Variants in N4BP2 observed in about 807,000 individuals in gnomAD.
N4BP2 encodes the protein NEDD4 binding protein 2.
Under a neutral mutation model 152.8 loss-of-function variants are expected in N4BP2, and 91 were observed. The ratio of observed to expected loss-of-function variants is 0.60; its 90% CI spans 0.50 to 0.71. The LOEUF (loss-of-function observed/expected upper bound fraction) is 0.71, where lower values mean the gene tolerates loss of function less well. Among genes scored for constraint, N4BP2 ranks in the 30% least tolerant of loss-of-function variants. The probability of loss-of-function intolerance (pLI) is 0.00; values close to 1 mark genes in which losing one functional copy is unlikely to be tolerated. For synonymous variants in N4BP2, 646 were observed against 705.3 expected (o/e 0.92, Z 1.33); for missense variants, 1,923 against 2,059.1 (o/e 0.93, Z 1.28).
chr4:40,186,662 T>C, the N4BP2 span, among the ~76,000 whole-genome samples: 1 of 152,262 alleles, frequency 6.6e-6, no homozygotes, highest in African/African-American at 2.4e-5. Flanking sequence ...CCTGCTTTTT[T>C]CACTTAACAG....
rs1289563920 is a variant in N4BP2 at position 40,155,680 on chromosome 4, CA to C, written c.*1446del. ...ATATTTTCAACATACATAATTTTAACAAATAGTTTTGTTGCTTTTTGTTAAG... is the reference window on the plus strand; with the variant it reads ...ATATTTTCAACATACATAATTTTAACAATAGTTTTGTTGCTTTTTGTTAAG... On this transcript the variant is annotated 3_prime_UTR_variant, in exon 18 of 18. Transcript: ENST00000261435. 2.0e-5 allele frequency: 3 copies of C among 151,940 alleles called. No individual in the cohort carries two copies. Among genetic ancestry groups the C allele is most frequent in the African/African-American group, 7.3e-5 (3 of 41,376 alleles). 9.4% of individuals were successfully genotyped at this position (151,940 alleles called of 1,614,324 possible). A position where few individuals can be genotyped will look rare whatever the true frequency, so the allele number is the denominator to read the frequency against.
chr4:40,095,558 G>A (rs1715034011), intron 2 of N4BP2, among the ~76,000 whole-genome samples: 1 of 152,060 alleles, frequency 6.6e-6, no homozygotes, highest in Non-Finnish European at 1.5e-5. Context: ...CTGCCATATT[G>A]ACAATGCAGT....
At position 40,157,063 on chromosome 4, in the gene N4BP2, G is replaced by A. The variant is rs1176621000; in HGVS notation, c.*2826G>A. 1.3e-5 allele frequency: 2 copies of A among 152,182 alleles called. No homozygotes were observed. Among genetic ancestry groups the A allele is most frequent in the East Asian group, 3.9e-4 (2 of 5,184 alleles). 9.4% of individuals were successfully genotyped at this position (152,182 alleles called of 1,614,324 possible). A position where few individuals can be genotyped will look rare whatever the true frequency, so the allele number is the denominator to read the frequency against. On this transcript the variant is annotated 3_prime_UTR_variant, in exon 18 of 18. Coordinates refer to ENST00000261435, the MANE Select transcript of N4BP2 (RefSeq NM_018177.6). ...CAGTAATAATTATATTCATTCAGTA[G>A]TCTCTTACCATTATCTCCCAGATGG...
chr4:40,080,581 C>T (rs1418747543), intron 2 of N4BP2, among the ~76,000 whole-genome samples: 7 of 151,864 alleles, frequency 4.6e-5, no homozygotes, highest in East Asian at 3.9e-4. Context: ...GTGACCTGCC[C>T]GCCTCGGCCT....
chr4:40,123,061 G>T (rs989207397), intron 9 of N4BP2, 66 bp from the exon 10 acceptor site: 1 of 1,001,372 alleles, frequency 1.0e-6, no homozygotes, highest in South Asian at 1.4e-5. Flanking sequence ...AGGTGGTTTA[G>T]TATGTTTTCT....
At chr4:40,093,415 AT>A (rs201362758) in intron 2 of N4BP2, among the ~76,000 whole-genome samples, 1 of 149,480 alleles carries the variant, frequency 6.7e-6, no homozygotes, top group South Asian at 2.1e-4. Context: ...ATGTTCTACA[AT>A]TTTTTTTTGA....
At chr4:40,073,938 G>A (rs762014206) in intron 2 of N4BP2, among the ~76,000 whole-genome samples, 38 of 152,046 alleles carry the variant, frequency 2.5e-4, no homozygotes, top group Middle Eastern at 3.4e-3. Flanking sequence ...GATTACAGGC[G>A]CATGCCACCA....
chr4:40,153,051 T>C, intron 17 of N4BP2, 148 bp downstream of exon 17: 1 of 581,880 alleles, frequency 1.7e-6, no homozygotes, highest in Non-Finnish European at 2.8e-6. Context: ...CTCAGAACAA[T>C]CTGTTAAAAT....
intron 2 of N4BP2, among the ~76,000 whole-genome samples, chr4:40,086,797 G>C (rs1192652932): frequency 1.3e-5 from 2 of 151,922 alleles, no homozygotes; most frequent in African/African-American, 4.8e-5. Flanking sequence ...GCTCATGCTG[G>C]AATGTAGTGG....
At chr4:40,165,657 A>G in the N4BP2 span, among the ~76,000 whole-genome samples, 1 of 152,198 alleles carries the variant, frequency 6.6e-6, no homozygotes, top group Non-Finnish European at 1.5e-5. Flanking sequence ...ATACATCTCT[A>G]TGTACGTGTG....
the N4BP2 span, among the ~76,000 whole-genome samples, chr4:40,163,302 GA>G: frequency 6.6e-6 from 1 of 152,192 alleles, no homozygotes; most frequent in Non-Finnish European, 1.5e-5. Flanking sequence ...CCACATGGCC[GA>G]CATTGTTGTC....
chr4:40,078,767 G>A (rs1049932997), intron 2 of N4BP2, among the ~76,000 whole-genome samples: 1 of 151,366 alleles, frequency 6.6e-6, no homozygotes, highest in African/African-American at 2.4e-5. Context: ...GGGTCAAGCA[G>A]TTCGCCCACT....
In N4BP2 at chr4:40,102,615, C is replaced by T. The variant is rs1194629269; in HGVS notation, c.770C>T (p.Ala257Val). The T allele has an allele frequency of 6.2e-7, 1 of 1,614,154 alleles. No individual in the cohort carries two copies. The highest frequency in any genetic ancestry group is 1.1e-5 in the South Asian group (1 of 91,074). The change falls in exon 4 of 18, where the codon GCA (alanine) becomes GTA (valine). Residue 257 changes from alanine to valine, a missense_variant. Coordinates refer to ENST00000261435, the MANE Select transcript of N4BP2 (RefSeq NM_018177.6). ...TTAAATGTAGCAAGTGACTCCATCG[C>T]AGGTTGTAGCAGTCTCAATCAAAAA... ...SSLNVASDSIAGCSSLNQKQK... is the reference protein window; with the variant it reads ...SSLNVASDSIVGCSSLNQKQK...
At chr4:40,064,686 G>A (rs1027458867) in intron 1 of N4BP2, among the ~76,000 whole-genome samples, 2 of 152,172 alleles carry the variant, frequency 1.3e-5, no homozygotes, top group Non-Finnish European at 2.9e-5. Context: ...GATGTCTAGG[G>A]TGCATTGGGA....
chr4:40,142,931 C>T (rs934853504), intron 15 of N4BP2, 70 bp downstream of exon 15: 11 of 1,290,830 alleles, frequency 8.5e-6, no homozygotes, highest in East Asian at 7.2e-5. Flanking sequence ...GCAGATAAGA[C>T]ACCCATATTG....
chr4:40,138,071 T>C (rs760605506), intron 14 of N4BP2, among the ~76,000 whole-genome samples: 4 of 152,128 alleles, frequency 2.6e-5, no homozygotes, highest in Non-Finnish European at 2.9e-5. Flanking sequence ...AGGAGCAGCC[T>C]CTCTAGTGTC....
At chr4:40,105,592 C>G (rs1158470484) in intron 4 of N4BP2, among the ~76,000 whole-genome samples, 2 of 151,154 alleles carry the variant, frequency 1.3e-5, no homozygotes, top group Non-Finnish European at 1.5e-5. Flanking sequence ...CTTTGTCACC[C>G]AGGCTGGAGT....
At chr4:40,107,820 G>C (rs1716469237) in intron 5 of N4BP2, among the ~76,000 whole-genome samples, 1 of 152,104 alleles carries the variant, frequency 6.6e-6, no homozygotes, top group Non-Finnish European at 1.5e-5. Context: ...TTAGAATATT[G>C]TGTGGCATAT....
downstream of N4BP2, among the ~76,000 whole-genome samples, chr4:40,158,844 G>A (rs559745966): frequency 6.6e-6 from 1 of 152,000 alleles, no homozygotes; most frequent in South Asian, 2.1e-4. Flanking sequence ...CTTTATATTC[G>A]AGTCCAAAGC....
Sources: allele counts gnomAD v4.1 joint callset (sites outside exome capture counted in the v4.1 genomes callset), GRCh38; gene constraint gnomAD v4.1.1; transcripts MANE v1.5; gene names NCBI Gene and HGNC (gene_info 2026-07-23, HGNC 2026-07-21).